ENOX1: variants seen among roughly 807,000 people sequenced by gnomAD.
ENOX1 encodes the protein ecto-NOX disulfide-thiol exchanger 1.
In ENOX1, 42 loss-of-function variants were observed where a neutral mutation model predicts 82.5. The observed-to-expected ratio is 0.51, with a 90% CI of 0.40 to 0.66. The LOEUF (loss-of-function observed/expected upper bound fraction) is 0.66. Ranked by LOEUF, ENOX1 falls within the 30% of genes least tolerant of loss-of-function variation. The pLI is 0.00. For missense variants in ENOX1, 608 were observed against 811.6 expected, an observed-to-expected ratio of 0.75 and a Z score of 3.05; for synonymous variants, 271 against 282.2, an observed-to-expected ratio of 0.96 and a Z score of 0.40.
chr13:43,395,865 G>A (rs141969345), intron 5 of ENOX1, among the ~76,000 whole-genome samples: 1 of 152,196 alleles, frequency 6.6e-6, no homozygotes, highest in African/African-American at 2.4e-5. Context: ...GGTGATGCAG[G>A]TGAGAAAATA....
At chr13:43,287,496 G>C (rs1415276137) in intron 12 of ENOX1, among the ~76,000 whole-genome samples, 1 of 152,176 alleles carries the variant, frequency 6.6e-6, no homozygotes, top group Non-Finnish European at 1.5e-5. Flanking sequence ...AGAAGAACTG[G>C]AGGTCCAGAC....
At chr13:43,395,245 AG>A (rs1389105214) in intron 5 of ENOX1, among the ~76,000 whole-genome samples, 1 of 152,240 alleles carries the variant, frequency 6.6e-6, no homozygotes, top group Non-Finnish European at 1.5e-5. Flanking sequence ...GGCCGGGTGC[AG>A]TGGCTCACAC....
At chr13:43,497,832 C>A (rs1351912410) in intron 2 of ENOX1, among the ~76,000 whole-genome samples, 1 of 152,010 alleles carries the variant, frequency 6.6e-6, no homozygotes, top group East Asian at 1.9e-4. Flanking sequence ...TGAAGGAATT[C>A]ATTAGTGAAA....
At chr13:43,218,562 C>T (rs2153449425) in intron 16 of ENOX1, among the ~76,000 whole-genome samples, 1 of 152,222 alleles carries the variant, frequency 6.6e-6, no homozygotes, top group Non-Finnish European at 1.5e-5. Context: ...GGGGTTGGAG[C>T]CTGCAGTGAG....
intron 3 of ENOX1, among the ~76,000 whole-genome samples, chr13:43,431,463 T>G (rs1460934021): frequency 6.6e-6 from 1 of 152,192 alleles, no homozygotes; most frequent in Non-Finnish European, 1.5e-5. Context: ...GTCCTTCTAC[T>G]AGCCTTATTT....
At chr13:43,623,529 G>A (rs1167530662) in intron 2 of ENOX1, among the ~76,000 whole-genome samples, 1 of 152,152 alleles carries the variant, frequency 6.6e-6, no homozygotes, top group Non-Finnish European at 1.5e-5. Flanking sequence ...CTTCTCCAGT[G>A]GGAGTGTGTG....
At position 43,721,597 on chromosome 13, in the gene ENOX1, C is replaced by T. The variant is rs370473748; in HGVS notation, c.-284-54053G>A. Among the ~76,000 whole-genome samples, 730 of 152,028 alleles carry T rather than the reference C, an allele frequency of 4.8e-3. 12 individuals carry two copies. Among genetic ancestry groups the T allele is most frequent in the African/African-American group, 0.016 (669 of 41,464 alleles). ...GTTTCACCGTTTTAGCCGGGATGGT[C>T]TCGATCTCCTGACCTCGTGATCCGC... On this transcript the variant is annotated intron_variant, in intron 1 of 16. Transcript: ENST00000690772.
intron 1 of ENOX1, among the ~76,000 whole-genome samples, chr13:43,673,234 T>C (rs187190041): frequency 2.6e-5 from 4 of 151,920 alleles, no homozygotes; most frequent in Admixed American, 2.6e-4. Flanking sequence ...AGAACTCAAG[T>C]TCAAATGATC....
chr13:43,305,921 G>A (rs2046833207), intron 11 of ENOX1, among the ~76,000 whole-genome samples: 1 of 152,180 alleles, frequency 6.6e-6, no homozygotes, highest in African/African-American at 2.4e-5. Flanking sequence ...TCTAAGCCAA[G>A]CCGGGGACAG....
chr13:43,444,675 T>C (rs1376886847), intron 3 of ENOX1, among the ~76,000 whole-genome samples: 1 of 152,216 alleles, frequency 6.6e-6, no homozygotes, highest in African/African-American at 2.4e-5. Context: ...AGTTAATTCA[T>C]TCATATTGGC....
intron 1 of ENOX1, among the ~76,000 whole-genome samples, chr13:43,776,673 T>C (rs1951937792): frequency 6.6e-6 from 1 of 152,182 alleles, no homozygotes; most frequent in African/African-American, 2.4e-5. Flanking sequence ...CAGGAAGCAC[T>C]ACCTCCCCTG....
chr13:43,606,557 T>G (rs753181729), intron 2 of ENOX1, among the ~76,000 whole-genome samples: 1 of 152,168 alleles, frequency 6.6e-6, no homozygotes. Flanking sequence ...AAAGACAAAC[T>G]TCTCATGTTC....
intron 2 of ENOX1, among the ~76,000 whole-genome samples, chr13:43,664,692 G>T (rs1030325974): frequency 6.6e-6 from 1 of 152,172 alleles, no homozygotes; most frequent in Admixed American, 6.5e-5. Context: ...CTAATCAAGG[G>T]TAGTAAGCTC....
At chr13:43,739,416 G>C (rs2089790146) in intron 1 of ENOX1, among the ~76,000 whole-genome samples, 1 of 152,032 alleles carries the variant, frequency 6.6e-6, no homozygotes, top group Non-Finnish European at 1.5e-5. Flanking sequence ...GGGCATGGTG[G>C]CATGCGCCTG....
intron 2 of ENOX1, among the ~76,000 whole-genome samples, chr13:43,600,187 C>T (rs913870347): frequency 2.0e-5 from 3 of 152,172 alleles, no homozygotes; most frequent in Non-Finnish European, 4.4e-5. Context: ...TAGGAACCAG[C>T]TCCGTCACAG....
chr13:43,529,392 G>C (rs946926057), intron 2 of ENOX1, among the ~76,000 whole-genome samples: 3 of 152,044 alleles, frequency 2.0e-5, no homozygotes, highest in African/African-American at 7.2e-5. Flanking sequence ...TGGCAATTTG[G>C]AGATGCCAAA....
chr13:43,390,418 T>C (rs2052702993), intron 5 of ENOX1, among the ~76,000 whole-genome samples: 1 of 152,104 alleles, frequency 6.6e-6, no homozygotes, highest in African/African-American at 2.4e-5. Context: ...ATTTAGTAAG[T>C]TTATAAAATT....
At chr13:43,762,584 T>C (rs1034612529) in intron 1 of ENOX1, among the ~76,000 whole-genome samples, 14 of 152,188 alleles carry the variant, frequency 9.2e-5, no homozygotes. Flanking sequence ...CCTAAGTCTC[T>C]AGCCTCCAGT....
chr13:43,513,666 T>G (rs2077454579), intron 2 of ENOX1, among the ~76,000 whole-genome samples: 1 of 152,188 alleles, frequency 6.6e-6, no homozygotes, highest in African/African-American at 2.4e-5. Context: ...TAATAGATGA[T>G]AGGTCAGGCT....
Sources: allele counts gnomAD v4.1 joint callset (sites outside exome capture counted in the v4.1 genomes callset), GRCh38; gene constraint gnomAD v4.1.1; transcripts MANE v1.5; gene names NCBI Gene and HGNC (gene_info 2026-07-23, HGNC 2026-07-21).